EFCAB13: variants seen among roughly 807,000 people sequenced by gnomAD.
The protein encoded by EFCAB13 is EF-hand calcium binding domain 13.
In EFCAB13, 91 loss-of-function variants were observed where a neutral mutation model predicts 110.2. The observed-to-expected ratio is 0.83, with a 90% CI of 0.70 to 0.98. EFCAB13 has a LOEUF of 0.98. EFCAB13 is among the 50% of genes least tolerant of loss of function. The probability of loss-of-function intolerance (pLI) is 0.00; values close to 1 mark genes in which losing one functional copy is unlikely to be tolerated. For missense variants in EFCAB13, 968 were observed against 1,119.4 expected (o/e 0.86, Z 1.93); for synonymous variants, 323 against 369.9 (o/e 0.87, Z 1.45).
intron 7 of EFCAB13, 22 bp downstream of exon 7, chr17:47,344,314 A>G (rs556813827): frequency 6.9e-6 from 11 of 1,603,312 alleles, no homozygotes; most frequent in Admixed American, 5.1e-5. Context: ...CTTGTACTCT[A>G]TTTTTTAAAT....
chr17:47,421,141 G>T (rs1458329524), intron 23 of EFCAB13, among the ~76,000 whole-genome samples: 1 of 152,058 alleles, frequency 6.6e-6, no homozygotes, highest in Non-Finnish European at 1.5e-5. Flanking sequence ...CGTCTGGGAG[G>T]TGTACCCAAC....
chr17:47,403,817 T>G, intron 18 of EFCAB13, 61 bp from the exon 19 acceptor site: 1 of 1,459,516 alleles, frequency 6.9e-7, no homozygotes, highest in South Asian at 1.4e-5. Flanking sequence ...GGATTTCCAC[T>G]AACAAATGTC....
chr17:47,341,817 G>T, intron 5 of EFCAB13, 104 bp from the exon 6 acceptor site: 1 of 651,980 alleles, frequency 1.5e-6, no homozygotes, highest in Non-Finnish European at 2.6e-6. Context: ...TGGGTGATGG[G>T]ATTCTGTATA....
chr17:47,429,690 A>G (rs1905069998), intron 23 of EFCAB13, 128 bp from the exon 24 acceptor site: 5 of 1,220,166 alleles, frequency 4.1e-6, no homozygotes, highest in African/African-American at 3.1e-5. Context: ...AAACTATACA[A>G]ATAGTTCCAT....
In EFCAB13 at chr17:47,410,800, G is replaced by A. The variant is rs73324453; in HGVS notation, c.2278+1109G>A. On this transcript the variant is annotated intron_variant, in intron 21 of 24. Transcript: ENST00000331493. The stretch of plus-strand genomic sequence containing the variant: ...AAAACAACATTAAGTCTGAAAGCTG[G>A]AGAATAATCTCTTTTGACTCCATGA... Among the ~76,000 whole-genome samples, 1,337 of 152,288 alleles carry A rather than the reference G, an allele frequency of 8.8e-3. 20 individuals are homozygous for A. Among genetic ancestry groups the A allele is most frequent in the African/African-American group, 0.031 (1,282 of 41,564 alleles).
chr17:47,378,831 A>C (rs539671192), intron 13 of EFCAB13, among the ~76,000 whole-genome samples: 40 of 150,900 alleles, frequency 2.7e-4, no homozygotes, highest in African/African-American at 9.3e-4. Flanking sequence ...AGACTCCTTA[A>C]CTCTCTCATG....
chr17:47,335,627 T>C (rs1567779959), intron 5 of EFCAB13, among the ~76,000 whole-genome samples: 1 of 152,170 alleles, frequency 6.6e-6, no homozygotes, highest in Non-Finnish European at 1.5e-5. Flanking sequence ...ACGTAATTTA[T>C]AAATAAAAGA....
intron 14 of EFCAB13, among the ~76,000 whole-genome samples, chr17:47,386,030 C>A (rs1377678398): frequency 6.6e-6 from 1 of 152,140 alleles, no homozygotes; most frequent in East Asian, 1.9e-4. Flanking sequence ...CAGGCTGATG[C>A]CAGCCAGAGC....
intron 20 of EFCAB13, 129 bp downstream of exon 20, chr17:47,404,762 G>A: frequency 2.0e-6 from 1 of 505,128 alleles, no homozygotes. Flanking sequence ...TGCTTCATGT[G>A]TACTTGAACA....
At chr17:47,328,112 C>A in intron 3 of EFCAB13, 157 bp from the exon 4 acceptor site, 1 of 497,226 alleles carries the variant, frequency 2.0e-6, no homozygotes, top group Admixed American at 4.0e-5. Context: ...CTACTAACTG[C>A]TTTTTCTAGT....
chr17:47,375,979 A>G (rs2065613305), intron 12 of EFCAB13, among the ~76,000 whole-genome samples: 2 of 152,294 alleles, frequency 1.3e-5, no homozygotes, highest in Non-Finnish European at 2.9e-5. Context: ...CCCAACCAAT[A>G]TATTTTCTCT....
intron 15 of EFCAB13, among the ~76,000 whole-genome samples, chr17:47,392,169 C>T (rs939174697): frequency 1.2e-4 from 18 of 151,724 alleles, no homozygotes; most frequent in Non-Finnish European, 2.2e-4. Context: ...TTAACATTTT[C>T]CATAATAAAA....
intron 23 of EFCAB13, among the ~76,000 whole-genome samples, chr17:47,427,285 A>G (rs1228166477): frequency 6.6e-6 from 1 of 152,160 alleles, no homozygotes; most frequent in African/African-American, 2.4e-5. Context: ...ACAATTGGCA[A>G]ATAACTTTGT....
chr17:47,340,076 T>C (rs566737105), intron 5 of EFCAB13: 1 of 152,354 alleles, frequency 6.6e-6, no homozygotes, highest in Non-Finnish European at 1.5e-5. Flanking sequence ...GGAATTAAAC[T>C]GCATCAAATA....
Position 47,440,948 on chromosome 17 carries a change from G to A in EFCAB13, c.*234G>A. On this transcript the variant is annotated 3_prime_UTR_variant, in exon 25 of 25. Transcript: ENST00000331493. The stretch of plus-strand genomic sequence containing the variant: ...ATATGGCAAAATTCACTCTTTTTAG[G>A]TATACAGTTCTTTGGATTCTTAAAA... 2 of 318,150 alleles carry A rather than the reference G, an allele frequency of 6.3e-6. No homozygotes were observed. The highest frequency in any genetic ancestry group is 5.9e-5 in the East Asian group (1 of 17,054). 19.7% of individuals were successfully genotyped at this position (318,150 alleles called of 1,614,324 possible). A position where few individuals can be genotyped will look rare whatever the true frequency, so the allele number is the denominator to read the frequency against.
Position 47,326,259 on chromosome 17 carries a change from A to G in EFCAB13, c.-214A>G, listed in dbSNP as rs2065285633. On this transcript the variant is annotated 5_prime_UTR_variant, in exon 3 of 25. Transcript: ENST00000331493. Reference sequence around the variant, plus strand: ...GGCTTATGCGGTACCTGATTCATCCAGCAAATTAAGACCTGCCAACTTTTT... The same window carrying G: ...GGCTTATGCGGTACCTGATTCATCCGGCAAATTAAGACCTGCCAACTTTTT... 1 of 152,188 alleles carries G rather than the reference A, an allele frequency of 6.6e-6. No individual in the cohort carries two copies. Among genetic ancestry groups the G allele is most frequent in the Non-Finnish European group, 1.5e-5 (1 of 68,032 alleles). The allele number at this position is 152,188 out of a possible 1,614,324, so 9.4% of individuals were successfully genotyped here.
rs140772791 is a variant in EFCAB13 at position 47,351,279 on chromosome 17, CTGTG to C, written c.661+3351_661+3354del. 3.7e-3 allele frequency among the ~76,000 whole-genome samples: 476 copies of C among 128,036 alleles called. 2 individuals carry two copies. The highest frequency in any genetic ancestry group is 0.013 in the African/African-American group (423 of 31,476). 84.0% of individuals were successfully genotyped at this position (128,036 alleles called of 152,430 possible). Reference sequence around the variant, plus strand: ...TTTTCTGTGGCTGACTAGTATTCCACTGTGTGTGTGTGTGTGTGTGTGTGTGCGC... The same window carrying C: ...TTTTCTGTGGCTGACTAGTATTCCACTGTGTGTGTGTGTGTGTGTGTGCGC... On this transcript the variant is annotated intron_variant, in intron 9 of 24. Coordinates refer to ENST00000331493, the MANE Select transcript of EFCAB13 (RefSeq NM_152347.5).
At chr17:47,412,403 G>A (rs965850967) in intron 21 of EFCAB13, among the ~76,000 whole-genome samples, 2 of 152,152 alleles carry the variant, frequency 1.3e-5, no homozygotes, top group African/African-American at 4.8e-5. Flanking sequence ...GAGGCCCTGG[G>A]GATCAAGAGC....
At chr17:47,335,420 T>A in intron 5 of EFCAB13, 64 bp downstream of exon 5, 2 of 1,385,556 alleles carry the variant, frequency 1.4e-6, no homozygotes, top group Non-Finnish European at 1.9e-6. Flanking sequence ...AATGCCAAAA[T>A]GTAGCTGTGG....
Sources: gnomAD v4.1 joint callset for allele counts (sites outside exome capture counted in the v4.1 genomes callset) on GRCh38, gnomAD v4.1.1 for gene constraint, MANE v1.5 for transcripts, NCBI Gene and HGNC (gene_info 2026-07-23, HGNC 2026-07-21) for gene names.